The following SCAPER variants were observed in gnomAD, a reference collection of about 807,000 sequenced individuals.
SCAPER encodes the protein S phase cyclin A-associated protein in the endoplasmic reticulum.
In SCAPER, 98 loss-of-function variants were observed where a neutral mutation model predicts 182.2. The ratio of observed to expected loss-of-function variants is 0.54; its 90% confidence interval spans 0.46 to 0.64. SCAPER has a LOEUF of 0.64. Among genes scored for constraint, SCAPER ranks in the 30% least tolerant of loss-of-function variants. SCAPER has a pLI of 0.00. For missense variants in SCAPER, 1,432 were observed against 1,690.0 expected (o/e 0.85, Z 2.68); for synonymous variants, 605 against 564.6 (o/e 1.07, Z -1.01).
intron 23 of SCAPER, among the ~76,000 whole-genome samples, chr15:76,528,017 C>G (rs371790526): frequency 3.9e-5 from 6 of 152,240 alleles, no homozygotes; most frequent in Non-Finnish European, 4.4e-5. Context: ...AGGCTCTTCT[C>G]TTTTTGCCTT....
At chr15:76,468,049 A>G (rs1469862650) in intron 25 of SCAPER, among the ~76,000 whole-genome samples, 1 of 152,144 alleles carries the variant, frequency 6.6e-6, no homozygotes, top group Non-Finnish European at 1.5e-5. Context: ...ATTGACAACT[A>G]TTTTTTAATC....
intron 5 of SCAPER, among the ~76,000 whole-genome samples, chr15:76,823,110 C>CA (rs1568255998): frequency 6.6e-6 from 1 of 152,162 alleles, no homozygotes; most frequent in Non-Finnish European, 1.5e-5. Context: ...TTTGTATTAT[C>CA]AGTCACACTC....
At chr15:76,612,685 A>C (rs562641169) in intron 22 of SCAPER, among the ~76,000 whole-genome samples, 2 of 152,340 alleles carry the variant, frequency 1.3e-5, no homozygotes, top group African/African-American at 4.8e-5. Flanking sequence ...CCACAAAAAG[A>C]ATAAAATACC....
chr15:76,505,784 C>T (rs1232725017), intron 23 of SCAPER, among the ~76,000 whole-genome samples: 1 of 152,154 alleles, frequency 6.6e-6, no homozygotes, highest in Non-Finnish European at 1.5e-5. Flanking sequence ...TAAGAGATAT[C>T]TGCTCTCCCA....
At chr15:76,887,445 C>T (rs1048163434) in intron 1 of SCAPER, among the ~76,000 whole-genome samples, 2 of 152,184 alleles carry the variant, frequency 1.3e-5, no homozygotes, top group Admixed American at 6.5e-5. Context: ...GGTACACTCT[C>T]GCCCAAATAC....
intron 17 of SCAPER, 50 bp downstream of exon 17, chr15:76,728,545 T>A (rs750347332): frequency 1.2e-6 from 2 of 1,608,706 alleles, no homozygotes; most frequent in African/African-American, 2.7e-5. Flanking sequence ...AGACCTCAAC[T>A]TGAATATTCA....
chr15:76,683,626 A>G (rs1288912421), intron 20 of SCAPER, among the ~76,000 whole-genome samples: 1 of 152,084 alleles, frequency 6.6e-6, no homozygotes, highest in Non-Finnish European at 1.5e-5. Flanking sequence ...CAAGGTCGAA[A>G]TGAAAGAAAA....
chr15:76,718,306 T>G (rs576410134), intron 17 of SCAPER, among the ~76,000 whole-genome samples: 1 of 152,078 alleles, frequency 6.6e-6, no homozygotes, highest in Non-Finnish European at 1.5e-5. Flanking sequence ...AGTTTCTGCA[T>G]AGCAAAGAAA....
At chr15:76,679,561 G>A (rs1006016253) in intron 20 of SCAPER, among the ~76,000 whole-genome samples, 1 of 152,136 alleles carries the variant, frequency 6.6e-6, no homozygotes. Context: ...TTCCACAGAT[G>A]TAGGATATAC....
intron 22 of SCAPER, among the ~76,000 whole-genome samples, chr15:76,584,894 C>A (rs1182152241): frequency 1.3e-5 from 2 of 152,058 alleles, no homozygotes; most frequent in African/African-American, 4.8e-5. Flanking sequence ...AGACTATATT[C>A]CCAGAATACA....
chr15:76,843,319 G>A (rs778947101), intron 4 of SCAPER, among the ~76,000 whole-genome samples: 1 of 152,024 alleles, frequency 6.6e-6, no homozygotes, highest in Admixed American at 6.6e-5. Context: ...TTTTATAAAG[G>A]GTTTTTGAAA....
At chr15:76,391,629 C>T (rs1353297320) in intron 27 of SCAPER, among the ~76,000 whole-genome samples, 1 of 152,128 alleles carries the variant, frequency 6.6e-6, no homozygotes, top group East Asian at 1.9e-4. Flanking sequence ...ATAGAATAGG[C>T]CCAGGAAATG....
chr15:76,546,354 A>C (rs1642050052), intron 23 of SCAPER, among the ~76,000 whole-genome samples: 1 of 152,100 alleles, frequency 6.6e-6, no homozygotes, highest in East Asian at 1.9e-4. Flanking sequence ...CTACATCTAA[A>C]GATGTTTTTT....
At chr15:76,701,634 AT>A (rs2058955961) in intron 20 of SCAPER, 123 bp downstream of exon 20, 1 of 681,376 alleles carries the variant, frequency 1.5e-6, no homozygotes, top group Non-Finnish European at 2.5e-6. Flanking sequence ...TGTAGTAGCT[AT>A]TAAGTGCTAA....
intron 25 of SCAPER, among the ~76,000 whole-genome samples, chr15:76,458,399 T>C (rs1224706262): frequency 6.6e-6 from 1 of 151,840 alleles, no homozygotes; most frequent in Non-Finnish European, 1.5e-5. Context: ...TATCCACAAA[T>C]ACAAACATAC....
chr15:76,800,454 A>C, intron 6 of SCAPER, 90 bp from the exon 7 acceptor site: 1 of 807,712 alleles, frequency 1.2e-6, no homozygotes, highest in Non-Finnish European at 2.0e-6. Context: ...GGCTGAAAAA[A>C]TAATCCTACT....
chr15:76,678,174 AT>A (rs1598103898), intron 20 of SCAPER, among the ~76,000 whole-genome samples: 1 of 152,074 alleles, frequency 6.6e-6, no homozygotes, highest in African/African-American at 2.4e-5. Flanking sequence ...AGTAATACAA[AT>A]TTTTTTATTA....
intron 15 of SCAPER, among the ~76,000 whole-genome samples, chr15:76,747,906 C>T (rs1598491177): frequency 6.6e-6 from 1 of 151,986 alleles, no homozygotes; most frequent in Non-Finnish European, 1.5e-5. Context: ...TCCTTTATAG[C>T]AACACAAATG....
chr15:76,699,536 T>C (rs1304107847), intron 20 of SCAPER, among the ~76,000 whole-genome samples: 1 of 152,194 alleles, frequency 6.6e-6, no homozygotes, highest in African/African-American at 2.4e-5. Flanking sequence ...TTTATATTCT[T>C]TGATGCCCTT....
Sources: gnomAD v4.1 joint callset for allele counts (sites outside exome capture counted in the v4.1 genomes callset) on GRCh38, gnomAD v4.1.1 for gene constraint, MANE v1.5 for transcripts, NCBI Gene and HGNC (gene_info 2026-07-23, HGNC 2026-07-21) for gene names.